Variants in TFB1M observed in about 807,000 individuals in gnomAD.
TFB1M encodes the protein transcription factor B1, mitochondrial.
A neutral mutation model predicts 31.1 loss-of-function variants in TFB1M; 27 were observed. That is an observed-to-expected ratio of 0.87 (90% CI 0.64 to 1.20). The LOEUF (loss-of-function observed/expected upper bound fraction) is 1.20. Ranked by LOEUF, TFB1M falls within the 50% of genes most tolerant of loss-of-function variation. The pLI, the probability that TFB1M is intolerant of heterozygous loss-of-function variation, is 0.00. For missense variants in TFB1M, 394 were observed against 418.7 expected (o/e 0.94, Z 0.51); for synonymous variants, 166 against 151.8 (o/e 1.09, Z -0.69).
chr6:155,247,765 G>A, the TFB1M span, among the ~76,000 whole-genome samples: 4 of 152,170 alleles, frequency 2.6e-5, no homozygotes, highest in Admixed American at 1.3e-4. Flanking sequence ...TCTTTGGGGC[G>A]CAGCCTGCAT....
intron 6 of TFB1M, 138 bp from the exon 7 acceptor site, chr6:155,258,220 T>C (rs1784207360): frequency 1.9e-6 from 2 of 1,060,990 alleles, no homozygotes; most frequent in African/African-American, 1.6e-5. Context: ...CAGGAGCCTC[T>C]TGGATTATAT....
At chr6:155,253,259 A>C, downstream of TFB1M, 1 of 502,654 alleles carries the variant, frequency 2.0e-6, no homozygotes, top group Admixed American at 3.4e-5. Flanking sequence ...TTCTTTGCCA[A>C]ATGCCTTTCA....
intron 2 of TFB1M, among the ~76,000 whole-genome samples, chr6:155,309,608 G>C (rs554055627): frequency 6.6e-6 from 1 of 152,058 alleles, no homozygotes; most frequent in Non-Finnish European, 1.5e-5. Context: ...TTCACCCCCT[G>C]GCCTAATAAG....
At position 155,256,248 on chromosome 6, in the gene TFB1M, T is replaced by C. The variant is rs1362200976; in HGVS notation, c.*1588A>G. 5 of 614,700 alleles carry C rather than the reference T, an allele frequency of 8.1e-6. No homozygotes were observed. The Admixed American group carries it at 1.5e-4, about 19-fold the overall frequency. The allele number at this position is 614,700 out of a possible 1,614,324, so 38.1% of individuals were successfully genotyped here. A position where few individuals can be genotyped will look rare whatever the true frequency, so the allele number is the denominator to read the frequency against. On this transcript the variant is annotated 3_prime_UTR_variant, in exon 7 of 7. Coordinates refer to ENST00000367166, the MANE Select transcript of TFB1M (RefSeq NM_016020.4). ...CTAGTGTCTAGTTCTATTTACATAA[T>C]TGAGCTCTGGTAATCTAAAAATGCT...
Position 155,256,330 on chromosome 6 carries a change from C to A in TFB1M, c.*1506G>T. On this transcript the variant is annotated 3_prime_UTR_variant, in exon 7 of 7. Coordinates refer to ENST00000367166, the MANE Select transcript of TFB1M (RefSeq NM_016020.4). Reference sequence around the variant, plus strand: ...TCAAAAATGTCCATGTTTTCAGTAGCTACATTTTTGCCTAATTACCAGGAT... The same window carrying A: ...TCAAAAATGTCCATGTTTTCAGTAGATACATTTTTGCCTAATTACCAGGAT... The A allele has an allele frequency of 9.2e-7, 1 of 1,090,666 alleles. No individual in the cohort carries two copies. Among genetic ancestry groups the A allele is most frequent in the Non-Finnish European group, 1.3e-6 (1 of 771,636 alleles). The allele number at this position is 1,090,666 out of a possible 1,614,324, so 67.6% of individuals were successfully genotyped here.
At chr6:155,258,881 G>T (rs148193577) in intron 6 of TFB1M, among the ~76,000 whole-genome samples, 4 of 135,756 alleles carry the variant, frequency 2.9e-5, no homozygotes, top group African/African-American at 1.1e-4. Context: ...TTTGAGTTCA[G>T]TTTCATGGCA....
chr6:155,234,197 C>CGGG, the TFB1M span, among the ~76,000 whole-genome samples: 1 of 152,124 alleles, frequency 6.6e-6, no homozygotes, highest in African/African-American at 2.4e-5. Flanking sequence ...ATCTGAGGCC[C>CGGG]CCATTTCAAG....
intron 4 of TFB1M, among the ~76,000 whole-genome samples, chr6:155,286,274 A>T (rs1430309626): frequency 6.6e-6 from 1 of 152,100 alleles, no homozygotes; most frequent in Admixed American, 6.6e-5. Flanking sequence ...GCAAAATTTT[A>T]AAATTTTTAT....
intron 5 of TFB1M, among the ~76,000 whole-genome samples, chr6:155,263,227 T>C (rs1784471965): frequency 1.3e-5 from 2 of 152,232 alleles, no homozygotes; most frequent in Admixed American, 1.3e-4. Context: ...AAATGTTTTT[T>C]ACTTATAATT....
intron 1 of TFB1M, chr6:155,313,971 T>C: frequency 1.7e-6 from 1 of 602,274 alleles, no homozygotes; most frequent in Middle Eastern, 5.6e-4. Context: ...TCAGAATGAT[T>C]GATTTCACAG....
intron 2 of TFB1M, among the ~76,000 whole-genome samples, chr6:155,304,187 C>T (rs1777560908): frequency 6.6e-6 from 1 of 152,080 alleles, no homozygotes; most frequent in Non-Finnish European, 1.5e-5. Flanking sequence ...CAGGCTGAGG[C>T]AGGAGAATCG....
At chr6:155,304,269 C>T (rs747802185) in intron 2 of TFB1M, among the ~76,000 whole-genome samples, 5 of 151,864 alleles carry the variant, frequency 3.3e-5, no homozygotes, top group Admixed American at 6.6e-5. Flanking sequence ...GCACCAGGAG[C>T]GAAACTCTTG....
chr6:155,263,476 CAACGCTGT>C (rs1284099236), intron 5 of TFB1M, among the ~76,000 whole-genome samples: 13 of 152,138 alleles, frequency 8.5e-5, no homozygotes. Context: ...CCCTATACGT[CAACGCTGT>C]AACAAGCTAA....
the TFB1M span, chr6:155,251,079 T>G: frequency 6.8e-7 from 1 of 1,464,186 alleles, no homozygotes; most frequent in Non-Finnish European, 9.5e-7. Flanking sequence ...ACGGAAGAAC[T>G]TCACTAGCCG....
At chr6:155,275,717 A>G (rs1785159127) in intron 5 of TFB1M, 10 of 1,611,092 alleles carry the variant, frequency 6.2e-6, no homozygotes, top group Non-Finnish European at 7.6e-6. Context: ...TAACAGTAAC[A>G]TCATGGCCTC....
chr6:155,257,395 A>ATAAT lies in TFB1M; in HGVS notation c.*437_*440dup. 1 of 403,642 alleles carries ATAAT rather than the reference A, an allele frequency of 2.5e-6. No homozygotes were observed. The highest frequency in any genetic ancestry group is 4.3e-5 in the Admixed American group (1 of 23,006). 25.0% of individuals were successfully genotyped at this position (403,642 alleles called of 1,614,324 possible). A position where few individuals can be genotyped will look rare whatever the true frequency, so the allele number is the denominator to read the frequency against. On this transcript the variant is annotated 3_prime_UTR_variant, in exon 7 of 7. Transcript: ENST00000367166. ...TTAGGATCCTTAAAATTACATTCTA[A>ATAAT]TAATTAAGTTATGTGGAAAAAGTAA...
chr6:155,308,490 A>G (rs1777882070), intron 2 of TFB1M, among the ~76,000 whole-genome samples: 1 of 152,222 alleles, frequency 6.6e-6, no homozygotes, highest in Non-Finnish European at 1.5e-5. Flanking sequence ...ATGAGTCCTA[A>G]GAGCAAACTG....
Position 155,275,720 on chromosome 6 carries a change from A to C in TFB1M, c.666+9438T>G, listed in dbSNP as rs1475133416. On this transcript the variant is annotated intron_variant, in intron 5 of 6. Transcript: ENST00000367166. ...AGAGGACAGACTTAACAGTAACATC[A>C]TGGCCTCAGCAGGACTCCAGCTCCT... 3 of 1,611,552 alleles carry C rather than the reference A, an allele frequency of 1.9e-6. No individual in the cohort carries two copies. The South Asian group carries it at 3.3e-5, about 18-fold the overall frequency.
chr6:155,281,618 A>G (rs1002495762), intron 5 of TFB1M, among the ~76,000 whole-genome samples: 1 of 149,956 alleles, frequency 6.7e-6, no homozygotes, highest in Non-Finnish European at 1.5e-5. Flanking sequence ...GCTACTCGGA[A>G]GGCTGAGGCA....
Sources: allele counts gnomAD v4.1 joint callset (sites outside exome capture counted in the v4.1 genomes callset), GRCh38; gene constraint gnomAD v4.1.1; transcripts MANE v1.5; gene names NCBI Gene and HGNC (gene_info 2026-07-23, HGNC 2026-07-21).